KALRN: variants seen among roughly 807,000 people sequenced by gnomAD.
The protein encoded by KALRN is kalirin.
In KALRN, 70 loss-of-function variants were observed where a neutral mutation model predicts 353.7. That is an observed-to-expected ratio of 0.20 (90% CI 0.16 to 0.24). The LOEUF (loss-of-function observed/expected upper bound fraction) is 0.24, where lower values mean the gene tolerates loss of function less well. Among genes scored for constraint, KALRN ranks in the 10% least tolerant of loss-of-function variants. KALRN has a pLI of 1.00. For synonymous variants in KALRN, 1,391 were observed against 1,434.8 expected (o/e 0.97, Z 0.69); for missense variants, 2,791 against 3,756.7 (o/e 0.74, Z 6.72).
At chr3:124,440,679 T>G (rs1419452974) in intron 18 of KALRN, among the ~76,000 whole-genome samples, 1 of 151,548 alleles carries the variant, frequency 6.6e-6, no homozygotes, top group African/African-American at 2.4e-5. Flanking sequence ...ATTCTAAAAT[T>G]TTACATTTCA....
At chr3:124,186,775 C>A (rs138240419) in intron 1 of KALRN, among the ~76,000 whole-genome samples, 106 of 152,288 alleles carry the variant, frequency 7.0e-4, no homozygotes, top group African/African-American at 2.4e-3. Context: ...AAATTTCAAC[C>A]ATTAAAGTAA....
At chr3:124,496,574 C>G (rs945629307) in intron 33 of KALRN, among the ~76,000 whole-genome samples, 161 bp downstream of exon 33, 1 of 152,156 alleles carries the variant, frequency 6.6e-6, no homozygotes, top group Non-Finnish European at 1.5e-5. Context: ...CTGGAGGAGG[C>G]ATGTCCCAGC....
chr3:124,534,406 G>A (rs1228027199), intron 33 of KALRN, among the ~76,000 whole-genome samples: 1 of 152,144 alleles, frequency 6.6e-6, no homozygotes, highest in East Asian at 1.9e-4. Context: ...AGAGCATTAG[G>A]ACAAATAGTT....
rs142786060 is a variant in KALRN at position 124,049,320 on chromosome 3, G to C, written c.73+15507G>C. Among the ~76,000 whole-genome samples, 22 of 152,214 alleles carry C rather than the reference G, an allele frequency of 1.4e-4. No homozygotes were observed. The East Asian group carries it at 4.3e-3, about 29-fold the overall frequency. ...CAAGGATGTCATTCGGGAGACCTTG[G>C]TTTCTAATTCTACCCACCACTAAAT... On this transcript the variant is annotated intron_variant, in intron 1 of 59. Coordinates refer to ENST00000682506, the MANE Select transcript of KALRN (RefSeq NM_001388419.1).
chr3:124,532,311 G>A (rs1340471511), intron 33 of KALRN, among the ~76,000 whole-genome samples: 5 of 152,170 alleles, frequency 3.3e-5, no homozygotes, highest in Admixed American at 1.3e-4. Flanking sequence ...CCATTATTAC[G>A]TAGCTTGTGG....
At chr3:124,468,057 A>T (rs1316172288) in intron 25 of KALRN, among the ~76,000 whole-genome samples, 2 of 152,058 alleles carry the variant, frequency 1.3e-5, no homozygotes, top group African/African-American at 4.8e-5. Context: ...AAAGAGATGG[A>T]TAAAGACCTA....
At chr3:124,232,563 G>A (rs768941070) in intron 2 of KALRN, among the ~76,000 whole-genome samples, 4 of 152,134 alleles carry the variant, frequency 2.6e-5, no homozygotes, top group African/African-American at 4.8e-5. Context: ...ACCTTGCTCC[G>A]TTGTTGTCCC....
At chr3:124,175,865 T>C (rs2072660471) in intron 1 of KALRN, among the ~76,000 whole-genome samples, 1 of 152,230 alleles carries the variant, frequency 6.6e-6, no homozygotes, top group Non-Finnish European at 1.5e-5. Context: ...AGCTGTCCTC[T>C]CTGAGACTCT....
chr3:124,192,948 G>C (rs946954146), intron 1 of KALRN, among the ~76,000 whole-genome samples: 2 of 152,172 alleles, frequency 1.3e-5, no homozygotes, highest in Non-Finnish European at 2.9e-5. Context: ...TATTAAACTA[G>C]GCATTGTTTG....
intron 10 of KALRN, among the ~76,000 whole-genome samples, chr3:124,374,619 G>A (rs768223381): frequency 5.9e-5 from 9 of 152,026 alleles, no homozygotes; most frequent in South Asian, 4.2e-4. Context: ...CTTTTCCTCC[G>A]TTAGGAATGG....
At chr3:124,190,632 A>G (rs1295618339) in intron 1 of KALRN, among the ~76,000 whole-genome samples, 1 of 152,216 alleles carries the variant, frequency 6.6e-6, no homozygotes, top group Non-Finnish European at 1.5e-5. Flanking sequence ...AGATGGCTCT[A>G]ACAGTTGGAA....
At chr3:124,322,569 C>T (rs1187478528) in intron 6 of KALRN, among the ~76,000 whole-genome samples, 2 of 152,154 alleles carry the variant, frequency 1.3e-5, no homozygotes, top group Non-Finnish European at 2.9e-5. Context: ...ATATCCATTC[C>T]TCTTGGCCAT....
Position 124,657,818 on chromosome 3 carries a change from T to C in KALRN, c.6036+15T>C, listed in dbSNP as rs2084268838. Reference sequence around the variant, plus strand: ...TTATTAAGCACGTGAGTGTCTCCCATCACCTCCTCCCCAACTCCTTCACTA... The same window carrying C: ...TTATTAAGCACGTGAGTGTCTCCCACCACCTCCTCCCCAACTCCTTCACTA... On this transcript the variant is annotated intron_variant, in intron 41 of 59. Coordinates refer to ENST00000682506, the MANE Select transcript of KALRN (RefSeq NM_001388419.1). 1.3e-6 allele frequency: 2 copies of C among 1,563,970 alleles called. No individual in the cohort carries two copies. Among genetic ancestry groups the C allele is most frequent in the Non-Finnish European group, 8.8e-7 (1 of 1,134,564 alleles).
chr3:124,501,324 CTGA>C (rs2064503821), intron 33 of KALRN, among the ~76,000 whole-genome samples: 1 of 152,104 alleles, frequency 6.6e-6, no homozygotes, highest in Admixed American at 6.5e-5. Context: ...GAAATGTGGG[CTGA>C]TAATGGTGAT....
At chr3:124,646,741 A>G (rs991404863) in intron 37 of KALRN, among the ~76,000 whole-genome samples, 4 of 151,602 alleles carry the variant, frequency 2.6e-5, no homozygotes, top group Admixed American at 6.6e-5. Context: ...TGACGAATAT[A>G]AGAAATATAT....
chr3:124,261,092 G>A (rs114673835), intron 3 of KALRN, among the ~76,000 whole-genome samples: 1,686 of 147,998 alleles, frequency 0.011, 28 homozygotes, highest in African/African-American at 0.039. Context: ...GTTTCACCAC[G>A]CCGGCCAGGC....
chr3:124,679,366 G>C (rs1040759255), intron 50 of KALRN, 92 bp from the exon 51 acceptor site: 5 of 1,093,946 alleles, frequency 4.6e-6, no homozygotes, highest in Non-Finnish European at 6.8e-6. Flanking sequence ...CATCGCCCAT[G>C]CTTCTCTGAA....
intron 5 of KALRN, among the ~76,000 whole-genome samples, chr3:124,292,386 A>T (rs751916264): frequency 6.6e-5 from 10 of 152,200 alleles, no homozygotes; most frequent in Admixed American, 3.9e-4. Flanking sequence ...TGAGTGAAAA[A>T]CTGTTAAGAG....
Position 124,209,492 on chromosome 3 carries a change from C to CAAA in KALRN, c.74-18475_74-18473dup, listed in dbSNP as rs5852396. On this transcript the variant is annotated intron_variant, in intron 1 of 59. Transcript: ENST00000682506. ...CAACAGAGCAAGACTCACTCTGTCT[C>CAAA]AAAAAAAAAAAAAAAAAAAAAAAAA... Among the ~76,000 whole-genome samples, 101 of 69,754 alleles carry CAAA rather than the reference C, an allele frequency of 1.4e-3. 2 individuals carry two copies. The highest frequency in any genetic ancestry group is 9.8e-3 in the Middle Eastern group (1 of 102). The allele number at this position is 69,754 out of a possible 152,430, so 45.8% of individuals were successfully genotyped here. A position where few individuals can be genotyped will look rare whatever the true frequency, so the allele number is the denominator to read the frequency against.
Sources: gnomAD v4.1 joint callset for allele counts (sites outside exome capture counted in the v4.1 genomes callset) on GRCh38, gnomAD v4.1.1 for gene constraint, MANE v1.5 for transcripts, NCBI Gene and HGNC (gene_info 2026-07-23, HGNC 2026-07-21) for gene names.